Variants in PPFIBP1 observed in about 807,000 individuals in gnomAD.
The protein encoded by PPFIBP1 is liprin-beta-1.
PPFIBP1 carries 112 observed loss-of-function variants against 137.8 expected under a neutral mutation model. That is an observed-to-expected ratio of 0.81 (90% CI 0.70 to 0.95). The LOEUF is 0.95. Among genes scored for constraint, PPFIBP1 ranks in the 40% least tolerant of loss-of-function variants. The pLI, the probability that PPFIBP1 is intolerant of heterozygous loss-of-function variation, is 0.00. For missense variants in PPFIBP1, 1,083 were observed against 1,196.6 expected (o/e 0.91, Z 1.40); for synonymous variants, 378 against 417.3 (o/e 0.91, Z 1.15).
At chr12:27,640,858 T>C (rs1329057457) in intron 4 of PPFIBP1, among the ~76,000 whole-genome samples, 1 of 152,242 alleles carries the variant, frequency 6.6e-6, no homozygotes, top group Non-Finnish European at 1.5e-5. Context: ...AGAGCAGGCA[T>C]GCAGGAAATG....
chr12:27,578,883 A>C (rs1043536509), intron 2 of PPFIBP1, among the ~76,000 whole-genome samples: 6 of 152,212 alleles, frequency 3.9e-5, no homozygotes, highest in Non-Finnish European at 2.9e-5. Flanking sequence ...TTAACACTTC[A>C]GTGATCTGGA....
At chr12:27,682,133 G>A (rs982677207) in intron 22 of PPFIBP1, among the ~76,000 whole-genome samples, 4 of 151,726 alleles carry the variant, frequency 2.6e-5, no homozygotes, top group African/African-American at 9.7e-5. Flanking sequence ...TTCTTTTTAT[G>A]CATGCTACAG....
In PPFIBP1 at chr12:27,664,445, A is replaced by G; in HGVS notation, c.990A>G (p.Lys330=). Residue 330 remains lysine (K), a splice_region_variant and synonymous_variant, in exon 12 of 30, where the codon AAA becomes AAG. Transcript: ENST00000228425. ...CGGTGGTACTGGCCCAAGGTAAAAA[A>G]GGTAGAGTGTAGCTCTAAAAGTTTT... ...QDTVVLAQGK[K]GKDGEYEELL... 4.4e-6 allele frequency: 7 copies of G among 1,606,218 alleles called. No homozygotes were observed. The highest frequency in any genetic ancestry group is 6.0e-6 in the Non-Finnish European group (7 of 1,175,310).
intron 2 of PPFIBP1, among the ~76,000 whole-genome samples, 183 bp downstream of exon 2, chr12:27,578,422 T>C (rs2050750422): frequency 1.3e-5 from 2 of 152,168 alleles, no homozygotes; most frequent in African/African-American, 4.8e-5. Context: ...AAGAGTAGTA[T>C]GAATAACATA....
At chr12:27,630,847 C>G (rs2057212279) in intron 2 of PPFIBP1, among the ~76,000 whole-genome samples, 1 of 152,200 alleles carries the variant, frequency 6.6e-6, no homozygotes. Flanking sequence ...CCAACTTACA[C>G]AACACTTAAT....
intron 23 of PPFIBP1, 25 bp from the exon 24 acceptor site, chr12:27,682,590 A>G (rs756379259): frequency 5.0e-6 from 8 of 1,613,458 alleles, no homozygotes; most frequent in Non-Finnish European, 6.8e-6. Context: ...GTGGCATGGT[A>G]GCAACACTGG....
chr12:27,628,858 A>G (rs986490855), intron 2 of PPFIBP1, among the ~76,000 whole-genome samples: 12 of 152,240 alleles, frequency 7.9e-5, no homozygotes, highest in Admixed American at 2.6e-4. Flanking sequence ...TAAATCATGC[A>G]TTATCAAACA....
At position 27,537,382 on chromosome 12, in the gene PPFIBP1, C is replaced by T. The variant is rs548407327; in HGVS notation, c.-124+13017C>T. Among the ~76,000 whole-genome samples the T allele has an allele frequency of 2.3e-4, 35 of 152,308 alleles. No individual in the cohort carries two copies. The South Asian group carries it at 3.3e-3, about 14-fold the overall frequency. On this transcript the variant is annotated intron_variant, in intron 1 of 29. Transcript: ENST00000228425. ...TCCTGACCTCGTGATCCGCCGGCCTCGGCCTCCCAAAGTGCTGGGATTACA... is the reference window on the plus strand; with the variant it reads ...TCCTGACCTCGTGATCCGCCGGCCTTGGCCTCCCAAAGTGCTGGGATTACA...
At chr12:27,538,107 T>G (rs1393323504) in intron 1 of PPFIBP1, 1 of 152,370 alleles carries the variant, frequency 6.6e-6, no homozygotes, top group African/African-American at 2.4e-5. Context: ...TTCCCTGCTC[T>G]TCTGTGCAGA....
At chr12:27,528,342 G>C (rs1026517482) in intron 1 of PPFIBP1, among the ~76,000 whole-genome samples, 2 of 152,174 alleles carry the variant, frequency 1.3e-5, no homozygotes, top group African/African-American at 4.8e-5. Flanking sequence ...AATTAAATCA[G>C]TTATCAAACT....
At chr12:27,633,982 AC>A (rs1306201748) in intron 3 of PPFIBP1, among the ~76,000 whole-genome samples, 1 of 151,076 alleles carries the variant, frequency 6.6e-6, no homozygotes, top group Non-Finnish European at 1.5e-5. Context: ...GATTACAGGC[AC>A]CCACCACCAC....
At chr12:27,598,775 A>T (rs2053620739) in intron 2 of PPFIBP1, among the ~76,000 whole-genome samples, 1 of 152,198 alleles carries the variant, frequency 6.6e-6, no homozygotes. Context: ...CTCCAAAAGA[A>T]GGTCAGGGGA....
chr12:27,537,185 G>C (rs1945124210), intron 1 of PPFIBP1, among the ~76,000 whole-genome samples: 1 of 151,904 alleles, frequency 6.6e-6, no homozygotes, highest in African/African-American at 2.4e-5. Flanking sequence ...AGGCTGGAGT[G>C]CAATGGTGTG....
At chr12:27,624,686 GC>G (rs2056654981) in intron 2 of PPFIBP1, among the ~76,000 whole-genome samples, 1 of 152,140 alleles carries the variant, frequency 6.6e-6, no homozygotes, top group Non-Finnish European at 1.5e-5. Flanking sequence ...TCATTAATAC[GC>G]CCTCTTTTGT....
In PPFIBP1 at chr12:27,676,664, C is replaced by G. The variant is rs2060532006; in HGVS notation, c.1582+65C>G. The G allele has an allele frequency of 3.8e-6, 5 of 1,319,974 alleles. No homozygotes were observed. The Admixed American group carries it at 9.0e-5, about 24-fold the overall frequency. The allele number at this position is 1,319,974 out of a possible 1,614,324, so 81.8% of individuals were successfully genotyped here. A position where few individuals can be genotyped will look rare whatever the true frequency, so the allele number is the denominator to read the frequency against. On this transcript the variant is annotated intron_variant, in intron 18 of 29. Coordinates refer to ENST00000228425, the MANE Select transcript of PPFIBP1 (RefSeq NM_003622.4). ...AAGGAGGAAAAGAGCAGTGTCTTCCCTTCCCTTACTCTTTCATTCATTGAT... is the reference window on the plus strand; with the variant it reads ...AAGGAGGAAAAGAGCAGTGTCTTCCGTTCCCTTACTCTTTCATTCATTGAT...
intron 1 of PPFIBP1, among the ~76,000 whole-genome samples, chr12:27,563,339 C>A (rs1263977959): frequency 6.9e-6 from 1 of 144,676 alleles, no homozygotes; most frequent in African/African-American, 2.6e-5. Context: ...CGCCTGTGGT[C>A]CCAGCTACTC....
At chr12:27,560,776 C>G (rs2049094296) in intron 1 of PPFIBP1, among the ~76,000 whole-genome samples, 1 of 152,174 alleles carries the variant, frequency 6.6e-6, no homozygotes, top group Non-Finnish European at 1.5e-5. Context: ...AGAGGTTTAT[C>G]CTTGTGATCC....
intron 27 of PPFIBP1, among the ~76,000 whole-genome samples, chr12:27,689,968 G>C (rs529604533): frequency 6.6e-6 from 1 of 152,142 alleles, no homozygotes; most frequent in Non-Finnish European, 1.5e-5. Context: ...CTTAAGGGGC[G>C]TTCCTTTCTG....
intron 2 of PPFIBP1, among the ~76,000 whole-genome samples, chr12:27,620,364 C>T (rs1244726677): frequency 2.0e-5 from 3 of 152,170 alleles, no homozygotes; most frequent in Non-Finnish European, 4.4e-5. Flanking sequence ...CACCAGCTTC[C>T]GGCCCACTAA....
Sources: allele counts gnomAD v4.1 joint callset (sites outside exome capture counted in the v4.1 genomes callset), GRCh38; gene constraint gnomAD v4.1.1; transcripts MANE v1.5; gene names NCBI Gene and HGNC (gene_info 2026-07-23, HGNC 2026-07-21).